Variants in DNAH8 observed in about 807,000 individuals in gnomAD.
DNAH8 encodes axonemal beta dynein heavy chain 8.
Under a neutral mutation model 562.1 loss-of-function variants are expected in DNAH8, and 382 were observed. The ratio of observed to expected loss-of-function variants is 0.68; its 90% CI spans 0.63 to 0.74. The LOEUF is 0.74. DNAH8 is among the 30% of genes least tolerant of loss of function. DNAH8 has a pLI of 0.00. For missense variants in DNAH8, 5,203 were observed against 5,620.4 expected (o/e 0.93, Z 2.37); for synonymous variants, 1,881 against 1,919.4 (o/e 0.98, Z 0.52).
chr6:38,828,098 A>T, intron 29 of DNAH8, 86 bp from the exon 30 acceptor site: 1 of 834,514 alleles, frequency 1.2e-6, no homozygotes, highest in Non-Finnish European at 2.0e-6. Flanking sequence ...CTTCTAAGAC[A>T]TAGGAATGTG....
chr6:38,898,361 C>T lies in DNAH8; in HGVS notation c.9044C>T (p.Ala3015Val), dbSNP rs773738434. The T allele has an allele frequency of 6.3e-7, 1 of 1,577,962 alleles. No homozygotes were observed. The highest frequency in any genetic ancestry group is 8.6e-7 in the Non-Finnish European group (1 of 1,168,038). The change falls in exon 61 of 93, where the codon GCA (alanine) becomes GTA (valine). Residue 3015 changes from alanine to valine, a missense_variant. Ala to Val is a moderately conservative substitution (Grantham distance 64). This residue lies in a region of DNAH8 where 977 missense variants were observed against 1,061.8 expected (regional missense o/e 0.92). Transcript: ENST00000327475. ...TSLDLVFFKD[A>V]MTHLIKISRI... The stretch of plus-strand genomic sequence containing the variant: ...CTTGATCTGGTGTTTTTTAAAGATG[C>T]AATGACTCATCTTATTAAGGTCCTA...
At position 38,832,321 on chromosome 6, in the gene DNAH8, G is replaced by A; in HGVS notation, c.4189-1G>A. ...AGGTTGAATATTCTTTTTTATTGTA[G>A]GTTTCAGTACAAGAGGACCTAGTTC... On this transcript the variant is annotated splice_acceptor_variant, in intron 30 of 92. Coordinates refer to ENST00000327475, the MANE Select transcript of DNAH8 (RefSeq NM_001206927.2). LOFTEE classifies it high-confidence loss of function. 6.3e-7 allele frequency: 1 copy of A among 1,584,618 alleles called. No homozygotes were observed. Among genetic ancestry groups the A allele is most frequent in the Non-Finnish European group, 8.6e-7 (1 of 1,156,214 alleles).
chr6:38,810,377 A>G (rs1771686562), intron 24 of DNAH8, among the ~76,000 whole-genome samples: 1 of 152,162 alleles, frequency 6.6e-6, no homozygotes. Flanking sequence ...GAATCACTTG[A>G]GGTCAGGAGT....
At chr6:38,865,140 T>C (rs1776941485) in intron 45 of DNAH8, among the ~76,000 whole-genome samples, 1 of 152,214 alleles carries the variant, frequency 6.6e-6, no homozygotes, top group Admixed American at 6.5e-5. Context: ...AAAGCTTTTA[T>C]GTGTTTTCCA....
intron 10 of DNAH8, 143 bp from the exon 11 acceptor site, chr6:38,761,559 G>A: frequency 2.5e-6 from 1 of 406,600 alleles, no homozygotes; most frequent in African/African-American, 2.1e-5. Context: ...GCCTCCCAAA[G>A]TACTGGGATT....
At chr6:38,997,977 C>T (rs34633963) in intron 88 of DNAH8, among the ~76,000 whole-genome samples, 21,084 of 152,138 alleles carry the variant, frequency 0.14, 1,672 homozygotes, top group Middle Eastern at 0.2. Context: ...AGGCTGGTCT[C>T]GAACTCCTGA....
At chr6:38,927,794 T>C (rs1782232566) in intron 74 of DNAH8, among the ~76,000 whole-genome samples, 3 of 152,308 alleles carry the variant, frequency 2.0e-5, no homozygotes, top group African/African-American at 7.2e-5. Context: ...AATTTACTGA[T>C]AGTCTTCACT....
At chr6:38,848,893 G>C in intron 37 of DNAH8, 92 bp downstream of exon 37, 1 of 1,287,512 alleles carries the variant, frequency 7.8e-7, no homozygotes, top group Non-Finnish European at 1.1e-6. Context: ...ATATGGTCAA[G>C]GCTTGACTAT....
chr6:39,027,325 G>A (rs1767363995), intron 92 of DNAH8, among the ~76,000 whole-genome samples: 1 of 152,224 alleles, frequency 6.6e-6, no homozygotes, highest in Admixed American at 6.5e-5. Flanking sequence ...GCAGAGCAGT[G>A]CTGAGGGCAG....
intron 24 of DNAH8, among the ~76,000 whole-genome samples, chr6:38,810,663 G>A (rs1250655472): frequency 2.0e-5 from 3 of 151,844 alleles, no homozygotes; most frequent in African/African-American, 7.3e-5. Context: ...TGACTACAAG[G>A]GCCTTGGCAG....
chr6:38,913,368 A>C (rs1306682018), intron 66 of DNAH8, among the ~76,000 whole-genome samples: 1 of 152,278 alleles, frequency 6.6e-6, no homozygotes, highest in Non-Finnish European at 1.5e-5. Flanking sequence ...CTTTTTCTCT[A>C]CGGTGCTAAA....
intron 88 of DNAH8, among the ~76,000 whole-genome samples, chr6:39,003,855 A>G (rs2150755822): frequency 6.6e-6 from 1 of 152,358 alleles, no homozygotes; most frequent in East Asian, 1.9e-4. Flanking sequence ...AAAAGAATAT[A>G]TATACTGTAT....
chr6:38,911,411 C>A, intron 65 of DNAH8, 57 bp from the exon 66 acceptor site: 1 of 1,242,192 alleles, frequency 8.1e-7, no homozygotes, highest in South Asian at 1.2e-5. Context: ...GGAAAGGTGT[C>A]GTTTTATGGG....
intron 28 of DNAH8, among the ~76,000 whole-genome samples, chr6:38,824,777 A>T (rs1773162918): frequency 6.6e-6 from 1 of 152,032 alleles, no homozygotes; most frequent in South Asian, 2.1e-4. Context: ...CTGGCGTATG[A>T]TTGATGTTGA....
chr6:38,805,747 G>T, intron 23 of DNAH8, 151 bp downstream of exon 23: 1 of 525,742 alleles, frequency 1.9e-6, no homozygotes, highest in Non-Finnish European at 3.4e-6. Context: ...TTATACTGTA[G>T]GATCAGGCAA....
rs758470532 is a variant in DNAH8 at position 39,012,405 on chromosome 6, G to C, written c.13524+38G>C. Reference sequence around the variant, plus strand: ...TACATCAGTAGGCATTTCCTTCTTTGTTGATGTTTCTTATTCATGTGTTTT... The same window carrying C: ...TACATCAGTAGGCATTTCCTTCTTTCTTGATGTTTCTTATTCATGTGTTTT... On this transcript the variant is annotated intron_variant, in intron 90 of 92. Coordinates refer to ENST00000327475, the MANE Select transcript of DNAH8 (RefSeq NM_001206927.2). The C allele has an allele frequency of 3.1e-6, 5 of 1,608,120 alleles. No homozygotes were observed. The South Asian group carries it at 5.5e-5, about 18-fold the overall frequency.
chr6:38,791,538 A>G lies in DNAH8; in HGVS notation c.2782-17A>G, dbSNP rs771117805. ...GGAAAGAAGAGTTTTTTTTTCTTAC[A>G]TTTTTCTTCCTTGTAGATCAGTGAC... is the stretch of plus-strand genomic sequence containing the variant. On this transcript the variant is annotated splice_polypyrimidine_tract_variant and intron_variant, in intron 20 of 92. Coordinates refer to ENST00000327475, the MANE Select transcript of DNAH8 (RefSeq NM_001206927.2). 1.9e-6 allele frequency: 3 copies of G among 1,591,696 alleles called. No individual in the cohort carries two copies. The highest frequency in any genetic ancestry group is 1.7e-6 in the Non-Finnish European group (2 of 1,173,924).
intron 33 of DNAH8, among the ~76,000 whole-genome samples, chr6:38,840,955 CTT>C (rs1219857632): frequency 6.6e-6 from 1 of 151,444 alleles, no homozygotes; most frequent in Non-Finnish European, 1.5e-5. Context: ...TCATCATTCT[CTT>C]TTCTTATTTT....
chr6:38,963,322 A>T (rs1762748215), intron 82 of DNAH8, among the ~76,000 whole-genome samples: 3 of 89,300 alleles, frequency 3.4e-5, no homozygotes, highest in Admixed American at 1.4e-4. Flanking sequence ...TGCTGGAATT[A>T]TTGGTGCAGA....
Sources: gnomAD v4.1 joint callset for allele counts (sites outside exome capture counted in the v4.1 genomes callset) on GRCh38, gnomAD v4.1.1 for gene constraint, gnomAD v4.1.1 regional missense constraint, MANE v1.5 for transcripts, NCBI Gene and HGNC (gene_info 2026-07-23, HGNC 2026-07-21) for gene names.